PLD1: variants seen among roughly 807,000 people sequenced by gnomAD.
PLD1 encodes the protein phospholipase D1.
A neutral mutation model predicts 137.1 loss-of-function variants in PLD1; 112 were observed. That is an observed-to-expected ratio of 0.82 (90% confidence interval 0.70 to 0.96). The LOEUF (loss-of-function observed/expected upper bound fraction) is 0.96, where lower values mean the gene tolerates loss of function less well. Ranked by LOEUF, PLD1 falls within the 40% of genes least tolerant of loss-of-function variation. The pLI is 0.00. For missense variants in PLD1, 1,321 were observed against 1,342.0 expected (o/e 0.98, Z 0.24); for synonymous variants, 431 against 454.7 (o/e 0.95, Z 0.66).
At chr3:171,764,895 GGAAGGAAGGAAGGAAGGAA>G (rs1560288770) in intron 1 of PLD1, among the ~76,000 whole-genome samples, 388 of 21,944 alleles carry the variant, frequency 0.018, 38 homozygotes, top group Admixed American at 0.022. Context: ...AAGAAAGAAA[GGAAGGAAGGAAGGAAGGAA>G]AGAAAGAAAG....
At chr3:171,725,505 AC>A (rs1235597144) in intron 7 of PLD1, among the ~76,000 whole-genome samples, 2 of 152,216 alleles carry the variant, frequency 1.3e-5, no homozygotes, top group Non-Finnish European at 2.9e-5. Flanking sequence ...TTTAAAAAAA[AC>A]TTTTTTTGAA....
rs80226296 is a variant in PLD1, at chr3:171,700,812, C to G, written c.1146-986G>C. On this transcript the variant is annotated intron_variant, in intron 11 of 26. Coordinates refer to ENST00000351298, the MANE Select transcript of PLD1 (RefSeq NM_002662.5). ...AAGGCAGCTAAGGTAAGCTAAGCTTCACAAGGCAGCTAAGAGTACAATAGA... is the reference window on the plus strand; with the variant it reads ...AAGGCAGCTAAGGTAAGCTAAGCTTGACAAGGCAGCTAAGAGTACAATAGA... 3.6e-3 allele frequency among the ~76,000 whole-genome samples: 550 copies of G among 152,324 alleles called. 3 individuals are homozygous for G. Among genetic ancestry groups the G allele is most frequent in the Non-Finnish European group, 5.8e-3 (392 of 68,022 alleles).
At position 171,693,891 on chromosome 3, in the gene PLD1, C is replaced by T. The variant is rs554534735; in HGVS notation, c.1228-1449G>A. Among the ~76,000 whole-genome samples, 258 of 152,142 alleles carry T rather than the reference C, an allele frequency of 1.7e-3. 1 individual carries two copies. The highest frequency in any genetic ancestry group is 6.0e-3 in the African/African-American group (249 of 41,528). ...CTTTAAGATATCTTACTGGGTTGAA[C>T]ACACCTACTTTACAAGAACTAAAAC... On this transcript the variant is annotated intron_variant, in intron 12 of 26. Transcript: ENST00000351298.
chr3:171,771,852 A>G (rs767735927), intron 1 of PLD1, among the ~76,000 whole-genome samples: 1 of 152,268 alleles, frequency 6.6e-6, no homozygotes, highest in Non-Finnish European at 1.5e-5. Flanking sequence ...CATAAGTTCA[A>G]TAGGAAATTT....
chr3:171,709,932 G>A (rs1317873411), intron 9 of PLD1, among the ~76,000 whole-genome samples: 1 of 152,192 alleles, frequency 6.6e-6, no homozygotes, highest in African/African-American at 2.4e-5. Flanking sequence ...CATGCATAAA[G>A]GTACTTACCA....
chr3:171,653,407 G>C (rs937816029), intron 21 of PLD1: 1 of 152,166 alleles, frequency 6.6e-6, no homozygotes, highest in Non-Finnish European at 1.5e-5. Context: ...ATTTTGGGGA[G>C]AGTGTTATCA....
At chr3:171,650,896 CG>C (rs1477044312) in intron 21 of PLD1, among the ~76,000 whole-genome samples, 1 of 150,838 alleles carries the variant, frequency 6.6e-6, no homozygotes. Flanking sequence ...AGCGAGAATC[CG>C]TCTCAAAAAA....
intron 16 of PLD1, among the ~76,000 whole-genome samples, chr3:171,680,242 CTTTTTTT>C (rs571538714): frequency 1.2e-3 from 122 of 102,904 alleles, no homozygotes; most frequent in African/African-American, 4.6e-3. Context: ...TTTTCTTCCT[CTTTTTTT>C]TTTTTTTTTT....
intron 19 of PLD1, among the ~76,000 whole-genome samples, chr3:171,664,759 G>A (rs997159348): frequency 6.6e-6 from 1 of 151,826 alleles, no homozygotes; most frequent in Non-Finnish European, 1.5e-5. Flanking sequence ...ACGCCCGGCC[G>A]GAATCTCCAT....
At chr3:171,691,478 T>C (rs1030998122) in intron 13 of PLD1, among the ~76,000 whole-genome samples, 7 of 152,190 alleles carry the variant, frequency 4.6e-5, no homozygotes, top group African/African-American at 1.7e-4. Context: ...AATAGCTATA[T>C]ATTTGATTGC....
At chr3:171,611,061 C>A (rs531850236) in intron 25 of PLD1, among the ~76,000 whole-genome samples, 1 of 152,298 alleles carries the variant, frequency 6.6e-6, no homozygotes, top group South Asian at 2.1e-4. Flanking sequence ...CCAAAAGGGA[C>A]CATTTAACAC....
chr3:171,786,281 G>T (rs570346179), intron 1 of PLD1, among the ~76,000 whole-genome samples: 2 of 152,282 alleles, frequency 1.3e-5, no homozygotes, highest in Admixed American at 1.3e-4. Flanking sequence ...CTGATTTTAA[G>T]CAAACCTGTA....
chr3:171,603,251 C>T lies in PLD1; in HGVS notation c.3052G>A (p.Asp1018Asn), dbSNP rs140678011. Residue 1018 changes from aspartate (D) to asparagine (N), a missense_variant, in exon 27 of 27, where the codon GAC becomes AAC. Physicochemically the swap from Asp to Asn is conservative, Grantham distance 23. Coordinates refer to ENST00000351298, the MANE Select transcript of PLD1 (RefSeq NM_002662.5). ...GCTAATACGGGCTTGTTTATAAAGTCTCTCAGCTGAATTAAATTGTGTACT... is the reference window on the plus strand; with the variant it reads ...GCTAATACGGGCTTGTTTATAAAGTTTCTCAGCTGAATTAAATTGTGTACT... ...DEVHNLIQLR[D>N]FINKPVLAKE... 235 of 1,614,030 alleles carry T rather than the reference C, an allele frequency of 1.5e-4. No individual in the cohort carries two copies. Among genetic ancestry groups the T allele is most frequent in the Admixed American group, 1.4e-3 (85 of 59,988 alleles).
intron 1 of PLD1, among the ~76,000 whole-genome samples, chr3:171,801,246 C>T (rs1723633155): frequency 6.6e-6 from 1 of 152,230 alleles, no homozygotes; most frequent in African/African-American, 2.4e-5. Flanking sequence ...AATTCTTCAA[C>T]ACCATCCTGA....
intron 23 of PLD1, among the ~76,000 whole-genome samples, chr3:171,638,184 CAA>C (rs1040418705): frequency 0.26 from 16,923 of 65,354 alleles, 530 homozygotes; most frequent in South Asian, 0.31. Flanking sequence ...GACTCCGTCT[CAA>C]AAAAAAAAAA....
intron 8 of PLD1, among the ~76,000 whole-genome samples, chr3:171,716,293 A>C (rs1009542276): frequency 2.0e-5 from 3 of 152,184 alleles, no homozygotes; most frequent in African/African-American, 7.2e-5. Context: ...TACTGTTCTT[A>C]GTTCTTTGGG....
intron 3 of PLD1, among the ~76,000 whole-genome samples, chr3:171,735,952 G>A (rs1719326799): frequency 6.6e-6 from 1 of 152,174 alleles, no homozygotes; most frequent in Admixed American, 6.5e-5. Context: ...AGGTGGAGGA[G>A]ACAATGAGAA....
At chr3:171,803,823 A>G (rs13075194) in intron 1 of PLD1, among the ~76,000 whole-genome samples, 51,868 of 152,100 alleles carry the variant, frequency 0.34, 9,272 homozygotes, top group Middle Eastern at 0.51. Context: ...CAATAGTTAC[A>G]GTATTTTCAC....
At chr3:171,699,979 C>A (rs1234657042) in intron 11 of PLD1, among the ~76,000 whole-genome samples, 153 bp from the exon 12 acceptor site, 1 of 152,196 alleles carries the variant, frequency 6.6e-6, no homozygotes, top group East Asian at 1.9e-4. Context: ...AGTCTAGGAA[C>A]AACTTCGTAT....
Sources: allele counts gnomAD v4.1 joint callset (sites outside exome capture counted in the v4.1 genomes callset), GRCh38; gene constraint gnomAD v4.1.1; transcripts MANE v1.5; gene names NCBI Gene and HGNC (gene_info 2026-07-23, HGNC 2026-07-21).